PIK3R3: variants seen among roughly 807,000 people sequenced by gnomAD.
PIK3R3 encodes phosphoinositide-3-kinase regulatory subunit 3.
A neutral mutation model predicts 62.9 loss-of-function variants in PIK3R3; 64 were observed. That is an observed-to-expected ratio of 1.02 (90% CI 0.83 to 1.25). PIK3R3 has a LOEUF of 1.25. Among genes scored for constraint, PIK3R3 ranks in the 50% most tolerant of loss-of-function variants. The pLI is 0.00. For synonymous variants in PIK3R3, 165 were observed against 189.0 expected (o/e 0.87, Z 1.04); for missense variants, 614 against 561.6 (o/e 1.09, Z -0.94).
chr1:46,090,333 TTTATTTATTTA>T, intron 1 of PIK3R3, among the ~76,000 whole-genome samples: 1 of 151,764 alleles, frequency 6.6e-6, no homozygotes, highest in Non-Finnish European at 1.5e-5. Flanking sequence ...TATTTATTTA[TTTATTTATTTA>T]TTTTTTTGAG....
At chr1:46,157,230 C>T in the PIK3R3 span, among the ~76,000 whole-genome samples, 15 of 152,182 alleles carry the variant, frequency 9.9e-5, no homozygotes, top group Non-Finnish European at 2.2e-4. Flanking sequence ...GCCTCCTGGG[C>T]TCAAGCCATC....
At chr1:46,110,923 G>GA (rs944981061) in intron 1 of PIK3R3, among the ~76,000 whole-genome samples, 4 of 150,476 alleles carry the variant, frequency 2.7e-5, no homozygotes, top group African/African-American at 9.8e-5. Flanking sequence ...CATAAAAAAA[G>GA]AAAGATGGTC....
rs9429180 is a variant in PIK3R3, at chr1:46,049,876, T to G, written c.942-3251A>C. 9.8e-4 allele frequency among the ~76,000 whole-genome samples: 149 copies of G among 152,160 alleles called. 2 individuals are homozygous for G. The highest frequency in any genetic ancestry group is 3.6e-3 in the African/African-American group (148 of 41,500). The stretch of plus-strand genomic sequence containing the variant: ...GGTTCATGCCTGTAATCCCAGCACT[T>G]TGGGAGGCCAAGGCAGGAGGATCAC... On this transcript the variant is annotated intron_variant, in intron 7 of 9. Coordinates refer to ENST00000262741, the MANE Select transcript of PIK3R3 (RefSeq NM_003629.4).
chr1:46,055,699 C>T (rs1361554541), intron 7 of PIK3R3, 96 bp downstream of exon 7: 13 of 840,300 alleles, frequency 1.5e-5, no homozygotes, highest in Non-Finnish European at 2.4e-5. Flanking sequence ...TTCTCAATTA[C>T]AAATCTCTAA....
intron 1 of PIK3R3, among the ~76,000 whole-genome samples, chr1:46,126,526 AGACCCTGTCTC>A (rs1655107164): frequency 6.6e-6 from 1 of 151,504 alleles, no homozygotes; most frequent in African/African-American, 2.4e-5. Flanking sequence ...CAAAAGAGTG[AGACCCTGTCTC>A]AAAAAAAAAA....
chr1:46,129,328 G>C (rs1655368634), intron 1 of PIK3R3, among the ~76,000 whole-genome samples: 1 of 152,114 alleles, frequency 6.6e-6, no homozygotes, highest in Non-Finnish European at 1.5e-5. Context: ...ACTCCAGGAG[G>C]AGAATTAACT....
chr1:46,129,498 A>G (rs192737843), intron 1 of PIK3R3, among the ~76,000 whole-genome samples: 193 of 152,162 alleles, frequency 1.3e-3, no homozygotes, highest in South Asian at 4.8e-3. Context: ...AAGATTTATC[A>G]TTGTAAGATA....
chr1:46,111,497 G>A (rs1056133203), intron 1 of PIK3R3, among the ~76,000 whole-genome samples: 5 of 152,018 alleles, frequency 3.3e-5, no homozygotes, highest in South Asian at 2.1e-4. Context: ...AGACTGAGGC[G>A]GGCAGATCAC....
At chr1:46,064,433 C>A (rs180733319) in intron 5 of PIK3R3, among the ~76,000 whole-genome samples, 3 of 151,764 alleles carry the variant, frequency 2.0e-5, no homozygotes, top group Non-Finnish European at 2.9e-5. Context: ...CCCAGCTATT[C>A]GGGAGGCTGA....
chr1:46,088,170 A>T (rs2149423890), intron 1 of PIK3R3, among the ~76,000 whole-genome samples: 1 of 152,332 alleles, frequency 6.6e-6, no homozygotes, highest in South Asian at 2.1e-4. Context: ...GTATTGCTTG[A>T]GCCCAAGAGT....
Position 46,066,037 on chromosome 1 carries a change from C to G in PIK3R3, c.621+17G>C. ...ACATTGCACACATATTAGTCAAAAA[C>G]AACATAATATACCAACCTGGGATGT... On this transcript the variant is annotated intron_variant, in intron 5 of 9. Transcript: ENST00000262741. 1 of 1,604,120 alleles carries G rather than the reference C, an allele frequency of 6.2e-7. No homozygotes were observed. The highest frequency in any genetic ancestry group is 2.2e-5 in the East Asian group (1 of 44,636).
chr1:46,156,151 T>G, the PIK3R3 span, among the ~76,000 whole-genome samples: 2 of 152,194 alleles, frequency 1.3e-5, no homozygotes, highest in Non-Finnish European at 2.9e-5. Flanking sequence ...CACATTTCTA[T>G]AAATGTGCAT....
chr1:46,135,903 G>A (rs1388279226), upstream of PIK3R3, among the ~76,000 whole-genome samples: 3 of 151,810 alleles, frequency 2.0e-5, no homozygotes, highest in East Asian at 1.9e-4. Flanking sequence ...GTTGGCAAGC[G>A]CTTGTAATCC....
Position 46,067,277 on chromosome 1 carries a change from T to TAA in PIK3R3, c.315-188_315-187dup, listed in dbSNP as rs1553147367. ...ACATATATATATATATATATATATA[T>TAA]AATTCATTTTGCATTGTTTTGTCCA... On this transcript the variant is annotated intron_variant, in intron 3 of 9. Coordinates refer to ENST00000262741, the MANE Select transcript of PIK3R3 (RefSeq NM_003629.4). 6.2e-4 allele frequency among the ~76,000 whole-genome samples: 91 copies of TAA among 147,334 alleles called. No homozygotes were observed. The East Asian group carries it at 0.013, about 22-fold the overall frequency.
intron 3 of PIK3R3, among the ~76,000 whole-genome samples, chr1:46,070,262 T>C (rs1394284116): frequency 6.6e-6 from 1 of 152,196 alleles, no homozygotes; most frequent in Admixed American, 6.5e-5. Flanking sequence ...AGGGATGGGA[T>C]GGGATCCAGT....
Position 46,132,118 on chromosome 1 carries a change from C to A in PIK3R3, c.-166G>T. On this transcript the variant is annotated 5_prime_UTR_variant, in exon 1 of 10. Coordinates refer to ENST00000262741, the MANE Select transcript of PIK3R3 (RefSeq NM_003629.4). ...GGCCAAACTACCCGAACAGGGTCCT[C>A]CCCCTCTCTCCTACAGAACACAACA... The A allele has an allele frequency of 2.8e-6, 4 of 1,409,844 alleles. No homozygotes were observed. Among genetic ancestry groups the A allele is most frequent in the Non-Finnish European group, 3.7e-6 (4 of 1,086,158 alleles). The allele number at this position is 1,409,844 out of a possible 1,614,324, so 87.3% of individuals were successfully genotyped here. A position where few individuals can be genotyped will look rare whatever the true frequency, so the allele number is the denominator to read the frequency against.
chr1:46,113,907 G>A (rs1248006368), intron 1 of PIK3R3, among the ~76,000 whole-genome samples: 4 of 152,140 alleles, frequency 2.6e-5, no homozygotes, highest in Non-Finnish European at 5.9e-5. Flanking sequence ...TTATAAAGGT[G>A]GTAGGTAGTA....
At chr1:46,062,970 G>A (rs1248390799) in intron 5 of PIK3R3, among the ~76,000 whole-genome samples, 1 of 152,126 alleles carries the variant, frequency 6.6e-6, no homozygotes, top group African/African-American at 2.4e-5. Flanking sequence ...GTCACTTTCG[G>A]CAATTGATTA....
chr1:46,081,892 G>T (rs562084392), intron 1 of PIK3R3, among the ~76,000 whole-genome samples: 1 of 152,068 alleles, frequency 6.6e-6, no homozygotes, highest in Middle Eastern at 3.4e-3. Context: ...AACTGGAAGG[G>T]GCTCTCACTG....
Sources: allele counts gnomAD v4.1 joint callset (sites outside exome capture counted in the v4.1 genomes callset), GRCh38; gene constraint gnomAD v4.1.1; transcripts MANE v1.5; gene names NCBI Gene and HGNC (gene_info 2026-07-23, HGNC 2026-07-21).